MEI1: variants seen among roughly 807,000 people sequenced by gnomAD.
MEI1 encodes the protein meiosis inhibitor protein 1.
A neutral mutation model predicts 146.2 loss-of-function variants in MEI1; 103 were observed. The ratio of observed to expected loss-of-function variants is 0.70; its 90% confidence interval spans 0.60 to 0.83. The LOEUF (loss-of-function observed/expected upper bound fraction) is 0.83. Among genes scored for constraint, MEI1 ranks in the 40% least tolerant of loss-of-function variants. The pLI, the probability that MEI1 is intolerant of heterozygous loss-of-function variation, is 0.00. For synonymous variants in MEI1, 652 were observed against 628.2 expected (o/e 1.04, Z -0.57); for missense variants, 1,529 against 1,533.0 (o/e 1.00, Z 0.04).
intron 3 of MEI1, among the ~76,000 whole-genome samples, 165 bp downstream of exon 3, chr22:41,705,719 T>C (rs1481667019): frequency 6.6e-5 from 10 of 151,384 alleles, no homozygotes; most frequent in Non-Finnish European, 1.5e-4. Flanking sequence ...TTTTTTTTTT[T>C]TTTTTTGAGA....
At chr22:41,705,634 C>A in intron 3 of MEI1, 80 bp downstream of exon 3, 1 of 1,231,914 alleles carries the variant, frequency 8.1e-7, no homozygotes, top group Non-Finnish European at 1.2e-6. Context: ...GAGACCTTGG[C>A]GAAATTGTCT....
chr22:41,722,061 G>A (rs1477188167), intron 6 of MEI1: 1 of 147,368 alleles, frequency 6.8e-6, no homozygotes, highest in East Asian at 2.0e-4. Context: ...TTAACCCTAT[G>A]CATGTTTGTC....
Position 41,748,175 on chromosome 22 carries a change from T to G in MEI1, c.1749T>G (p.Phe583Leu), listed in dbSNP as rs2147813359. 3.7e-6 allele frequency: 6 copies of G among 1,613,988 alleles called. No homozygotes were observed. Among genetic ancestry groups the G allele is most frequent in the African/African-American group, 2.7e-5 (2 of 75,054 alleles). The change falls in exon 15 of 31, where the codon TTT (phenylalanine) becomes TTG (leucine). Residue 583 changes from phenylalanine (F) to leucine (L), a missense_variant. This residue lies in a region of MEI1 where 1,212 missense variants were observed against 1,178.9 expected (regional missense o/e 1.03). Transcript: ENST00000401548. ...EVFLSILHNLFVIVPHMKEKF... is the reference protein window; with the variant it reads ...EVFLSILHNLLVIVPHMKEKF... The stretch of plus-strand genomic sequence containing the variant: ...TCCTCTCAATTCTACATAACCTCTT[T>G]GTCATCGTTCCCCACATGAAGGAGA...
In MEI1 at chr22:41,702,164, T is replaced by G. The variant is rs528006701; in HGVS notation, c.175-1167T>G. On this transcript the variant is annotated intron_variant, in intron 1 of 30. Transcript: ENST00000401548. ...TATTGAGCACACTTTTCTTTTGAGA[T>G]GGTTTCGCTCTCGTTGCCCAGGCTG... Among the ~76,000 whole-genome samples the G allele has an allele frequency of 2.0e-5, 3 of 152,322 alleles. No individual in the cohort carries two copies. The South Asian group carries it at 6.2e-4, about 32-fold the overall frequency.
intron 30 of MEI1, among the ~76,000 whole-genome samples, chr22:41,796,914 C>T (rs1406326871): frequency 6.6e-6 from 1 of 152,162 alleles, no homozygotes; most frequent in Non-Finnish European, 1.5e-5. Context: ...CACTGTACTG[C>T]ACCCTGGGCG....
chr22:41,764,046 C>T (rs2064188), intron 19 of MEI1, among the ~76,000 whole-genome samples: 96,213 of 150,600 alleles, frequency 0.64, 33,864 homozygotes, highest in East Asian at 0.92. Flanking sequence ...CCACAACCTC[C>T]ACCTCCTGGG....
chr22:41,783,713 A>G (rs918730597), intron 24 of MEI1, among the ~76,000 whole-genome samples: 1 of 151,546 alleles, frequency 6.6e-6, no homozygotes, highest in African/African-American at 2.4e-5. Context: ...AAGAAATGGA[A>G]TCTGTCGTCC....
intron 12 of MEI1, 86 bp from the exon 13 acceptor site, chr22:41,744,884 GAGA>G (rs1346694889): frequency 7.8e-6 from 5 of 638,896 alleles, no homozygotes; most frequent in East Asian, 6.8e-5. Context: ...ACTGCAGTGT[GAGA>G]AGAAGAGGTC....
intron 18 of MEI1, among the ~76,000 whole-genome samples, chr22:41,761,605 C>T (rs760519752): frequency 2.0e-5 from 3 of 151,934 alleles, no homozygotes; most frequent in African/African-American, 7.3e-5. Context: ...TGAGCCACTG[C>T]GCCCGGCCGA....
At chr22:41,718,406 GA>G (rs1392047622) in intron 6 of MEI1, 132 bp downstream of exon 6, 1 of 750,892 alleles carries the variant, frequency 1.3e-6, no homozygotes, top group Non-Finnish European at 2.2e-6. Flanking sequence ...AGGCTTGAGA[GA>G]TAAGAGACAC....
intron 7 of MEI1, among the ~76,000 whole-genome samples, chr22:41,725,758 G>A (rs2071279121): frequency 6.6e-6 from 1 of 152,192 alleles, no homozygotes; most frequent in African/African-American, 2.4e-5. Flanking sequence ...CTGTCACCCT[G>A]GCTCCTTTAG....
chr22:41,711,871 A>G (rs1387044953), intron 3 of MEI1, among the ~76,000 whole-genome samples: 1 of 151,914 alleles, frequency 6.6e-6, no homozygotes, highest in Non-Finnish European at 1.5e-5. Flanking sequence ...TTTAGTATAT[A>G]TAAAGGAGCA....
chr22:41,793,340 G>A (rs938637915), intron 26 of MEI1, among the ~76,000 whole-genome samples: 2 of 150,614 alleles, frequency 1.3e-5, no homozygotes, highest in Admixed American at 6.6e-5. Flanking sequence ...TCGCTCTGTC[G>A]CTCAGGCTGG....
At chr22:41,705,589 G>A in intron 3 of MEI1, 35 bp downstream of exon 3, 1 of 1,579,680 alleles carries the variant, frequency 6.3e-7, no homozygotes, top group Non-Finnish European at 8.7e-7. Context: ...ACTTGAAGAT[G>A]AAAGTATTAG....
intron 18 of MEI1, among the ~76,000 whole-genome samples, chr22:41,762,175 T>G (rs149237222): frequency 6.6e-6 from 1 of 152,198 alleles, no homozygotes; most frequent in Non-Finnish European, 1.5e-5. Flanking sequence ...CCTCCTCAAA[T>G]GCTACCATTA....
At chr22:41,794,606 AC>A in intron 28 of MEI1, 129 bp downstream of exon 28, 2 of 712,248 alleles carry the variant, frequency 2.8e-6, no homozygotes, top group Non-Finnish European at 4.8e-6. Flanking sequence ...GCAGGCCTTC[AC>A]CCTACAAGAG....
intron 11 of MEI1, among the ~76,000 whole-genome samples, chr22:41,736,557 A>C (rs890061649): frequency 6.6e-6 from 1 of 151,600 alleles, no homozygotes; most frequent in Non-Finnish European, 1.5e-5. Context: ...CTGGCCAAAA[A>C]ATTTTTTTTT....
Position 41,794,483 on chromosome 22 carries a change from T to C in MEI1, c.3534+6T>C. On this transcript the variant is annotated splice_donor_region_variant and intron_variant, in intron 28 of 30. Transcript: ENST00000401548. ...TTTTGAGGCTCATGACCCTGGTAAG[T>C]GCAGAAAGGATATCTTGTGGTCTGA... 6.2e-7 allele frequency: 1 copy of C among 1,609,850 alleles called. No individual in the cohort carries two copies. Among genetic ancestry groups the C allele is most frequent in the Non-Finnish European group, 8.5e-7 (1 of 1,176,148 alleles).
chr22:41,773,746 G>A (rs150886143), intron 20 of MEI1, among the ~76,000 whole-genome samples: 9,735 of 151,962 alleles, frequency 0.064, 1,008 homozygotes, highest in African/African-American at 0.22. Flanking sequence ...ATGGTGGCAC[G>A]TGCCTGTAGT....
Sources: allele counts gnomAD v4.1 joint callset (sites outside exome capture counted in the v4.1 genomes callset), GRCh38; gene constraint gnomAD v4.1.1; regional missense constraint gnomAD v4.1.1; transcripts MANE v1.5; gene names NCBI Gene and HGNC (gene_info 2026-07-23, HGNC 2026-07-21).